Variants in CSMD1 observed in about 807,000 individuals in gnomAD.
The protein encoded by CSMD1 is CUB and sushi domain-containing protein 1.
Under a neutral mutation model 417.5 loss-of-function variants are expected in CSMD1, and 213 were observed. The observed-to-expected ratio is 0.51, with a 90% CI of 0.46 to 0.57. CSMD1 has a LOEUF of 0.57. Among genes scored for constraint, CSMD1 ranks in the 20% least tolerant of loss-of-function variants. The probability of loss-of-function intolerance (pLI) is 0.00; values close to 1 mark genes in which losing one functional copy is unlikely to be tolerated. For missense variants in CSMD1, 6,923 were observed against 4,529.7 expected (o/e 1.53, Z -15.17); for synonymous variants, 2,862 against 1,736.8 (o/e 1.65, Z -16.11).
At chr8:3,240,570 G>A (rs1799430716) in intron 26 of CSMD1, among the ~76,000 whole-genome samples, 1 of 152,038 alleles carries the variant, frequency 6.6e-6, no homozygotes. Flanking sequence ...AATGGGGGCT[G>A]TCTGTGAAGC....
At chr8:4,169,534 C>T (rs73658420) in intron 3 of CSMD1, among the ~76,000 whole-genome samples, 2 of 152,146 alleles carry the variant, frequency 1.3e-5, no homozygotes, top group Non-Finnish European at 2.9e-5. Context: ...GATGAAATGG[C>T]AGCCTCCAAA....
In CSMD1 at chr8:3,219,374, A is replaced by T; in HGVS notation, c.4553T>A (p.Ile1518Asn). The change falls in exon 29 of 70, where the codon ATT becomes AAT. Residue 1518 changes from isoleucine (I) to asparagine (N), a missense_variant. Ile to Asn is a moderately radical substitution (Grantham distance 149). Transcript: ENST00000635120. ...YEGEDSNSPL[I>N]GSYQGSQAPE... ...GGCCTGAGAGCCCTGGTAACTCCCA[A>T]TGAGGGGGCTGTTGGAATCTTCCCC... is the stretch of plus-strand genomic sequence containing the variant. 2 of 1,570,046 alleles carry T rather than the reference A, an allele frequency of 1.3e-6. No homozygotes were observed. The highest frequency in any genetic ancestry group is 1.7e-6 in the Non-Finnish European group (2 of 1,157,030).
intron 3 of CSMD1, among the ~76,000 whole-genome samples, chr8:4,044,874 T>C (rs144695335): frequency 2.6e-5 from 4 of 152,176 alleles, no homozygotes; most frequent in Non-Finnish European, 5.9e-5. Flanking sequence ...ATCCTGAACT[T>C]TGCAGCCCTC....
At chr8:4,717,004 G>C (rs945193329) in intron 1 of CSMD1, among the ~76,000 whole-genome samples, 3 of 151,908 alleles carry the variant, frequency 2.0e-5, no homozygotes, top group South Asian at 2.1e-4. Context: ...TAGAAGCCTG[G>C]GTTGATGAGG....
At chr8:3,096,466 TTCTC>T (rs1176404872) in intron 47 of CSMD1, among the ~76,000 whole-genome samples, 1 of 152,060 alleles carries the variant, frequency 6.6e-6, no homozygotes, top group Non-Finnish European at 1.5e-5. Context: ...CACCCACTCT[TTCTC>T]TCTCTCTGTC....
chr8:3,628,619 T>C (rs1401736341), intron 7 of CSMD1, among the ~76,000 whole-genome samples: 1 of 151,920 alleles, frequency 6.6e-6, no homozygotes, highest in Non-Finnish European at 1.5e-5. Context: ...AGGGAGTGTC[T>C]CAGAGGGAGG....
At chr8:3,249,599 T>C (rs1441818949) in intron 26 of CSMD1, among the ~76,000 whole-genome samples, 2 of 151,990 alleles carry the variant, frequency 1.3e-5, no homozygotes, top group Non-Finnish European at 2.9e-5. Context: ...ATCGTATAAA[T>C]ACACACACAC....
rs115098528 is a variant in CSMD1, at chr8:4,829,937, T to G, written c.85+164395A>C. Among the ~76,000 whole-genome samples the G allele has an allele frequency of 3.6e-3, 542 of 152,204 alleles. 3 individuals carry two copies. Among genetic ancestry groups the G allele is most frequent in the Middle Eastern group, 0.014 (4 of 294 alleles). On this transcript the variant is annotated intron_variant, in intron 1 of 69. Transcript: ENST00000635120. ...TGCCCTGTTTAGAGGCCTTCTGATG[T>G]AGAAAGAAAACACACACAAAAATTT...
At chr8:4,697,126 C>A (rs1013246941) in intron 1 of CSMD1, among the ~76,000 whole-genome samples, 1 of 152,128 alleles carries the variant, frequency 6.6e-6, no homozygotes, top group South Asian at 2.1e-4. Context: ...GAGCCGAGAT[C>A]GCGCCACTGC....
At chr8:3,208,281 C>G (rs10094097) in intron 30 of CSMD1, among the ~76,000 whole-genome samples, 112,556 of 152,028 alleles carry the variant, frequency 0.74, 41,806 homozygotes, top group Non-Finnish European at 0.76. Flanking sequence ...TAATTCTTTT[C>G]AAGAACATCT....
At chr8:3,976,137 T>C (rs1366397931) in intron 5 of CSMD1, among the ~76,000 whole-genome samples, 1 of 152,026 alleles carries the variant, frequency 6.6e-6, no homozygotes, top group Non-Finnish European at 1.5e-5. Flanking sequence ...ATAGTAGAAA[T>C]TCTACACCAA....
intron 2 of CSMD1, among the ~76,000 whole-genome samples, chr8:4,625,896 G>A (rs1199346882): frequency 1.3e-5 from 2 of 152,040 alleles, no homozygotes; most frequent in East Asian, 1.9e-4. Flanking sequence ...GCTAATTGTT[G>A]TATTTTTGGT....
chr8:4,249,117 G>T (rs1802891411), intron 3 of CSMD1, among the ~76,000 whole-genome samples: 1 of 152,070 alleles, frequency 6.6e-6, no homozygotes, highest in South Asian at 2.1e-4. Flanking sequence ...CCTTTCCCCA[G>T]TTACACCAAA....
chr8:3,960,024 G>A (rs183325626), intron 5 of CSMD1, among the ~76,000 whole-genome samples: 16 of 152,330 alleles, frequency 1.1e-4, no homozygotes, highest in African/African-American at 3.6e-4. Flanking sequence ...TCAAGCCTTT[G>A]CAAGGAGCCT....
At chr8:3,186,643 G>C (rs1048074574) in intron 36 of CSMD1, among the ~76,000 whole-genome samples, 12 of 152,074 alleles carry the variant, frequency 7.9e-5, no homozygotes, top group Admixed American at 5.9e-4. Flanking sequence ...AGTAAAAGTA[G>C]AACGGAAATA....
chr8:3,055,646 G>A (rs1169077879), intron 49 of CSMD1, among the ~76,000 whole-genome samples: 3 of 152,126 alleles, frequency 2.0e-5, no homozygotes, highest in African/African-American at 4.8e-5. Context: ...TTCACAGTTT[G>A]GAGAATTTCC....
At chr8:3,419,619 C>G (rs1356156680) in intron 12 of CSMD1, among the ~76,000 whole-genome samples, 2 of 151,978 alleles carry the variant, frequency 1.3e-5, no homozygotes, top group African/African-American at 4.8e-5. Flanking sequence ...AGATTCGTAA[C>G]CCCTTTTATC....
At chr8:3,679,738 C>G (rs2117597056) in intron 7 of CSMD1, among the ~76,000 whole-genome samples, 2 of 152,312 alleles carry the variant, frequency 1.3e-5, no homozygotes, top group East Asian at 3.9e-4. Flanking sequence ...ATACATTCTT[C>G]TCAGCATCAC....
intron 3 of CSMD1, among the ~76,000 whole-genome samples, chr8:4,296,305 C>A (rs1031993417): frequency 2.6e-5 from 4 of 152,116 alleles, no homozygotes; most frequent in Admixed American, 1.3e-4. Context: ...TTATTTCGTC[C>A]CTGTGGTTAT....
Sources: gnomAD v4.1 joint callset for allele counts (sites outside exome capture counted in the v4.1 genomes callset) on GRCh38, gnomAD v4.1.1 for gene constraint, MANE v1.5 for transcripts, NCBI Gene and HGNC (gene_info 2026-07-23, HGNC 2026-07-21) for gene names.